Variants in MSH4 observed in about 807,000 individuals in gnomAD.
MSH4 encodes the protein mutS homolog 4.
MSH4 carries 106 observed loss-of-function variants against 113.7 expected under a neutral mutation model. The observed-to-expected ratio is 0.93, with a 90% CI of 0.80 to 1.10. The LOEUF (loss-of-function observed/expected upper bound fraction) is 1.10. Among genes scored for constraint, MSH4 ranks in the 50% least tolerant of loss-of-function variants. The probability of loss-of-function intolerance (pLI) is 0.00; values close to 1 mark genes in which losing one functional copy is unlikely to be tolerated. For missense variants in MSH4, 1,061 were observed against 1,093.7 expected (o/e 0.97, Z 0.42); for synonymous variants, 368 against 380.2 (o/e 0.97, Z 0.37).
chr1:75,865,505 C>T (rs1473132967), intron 8 of MSH4, among the ~76,000 whole-genome samples: 1 of 152,138 alleles, frequency 6.6e-6, no homozygotes, highest in Non-Finnish European at 1.5e-5. Context: ...TGGGGAAGTA[C>T]TAGGGTTGGT....
intron 9 of MSH4, among the ~76,000 whole-genome samples, chr1:75,869,417 A>T (rs767364976): frequency 6.6e-6 from 1 of 152,222 alleles, no homozygotes; most frequent in Non-Finnish European, 1.5e-5. Flanking sequence ...CGCATAAGTA[A>T]CAAGGAGGCA....
chr1:75,862,101 C>T (rs919474981), intron 8 of MSH4, among the ~76,000 whole-genome samples: 1 of 152,142 alleles, frequency 6.6e-6, no homozygotes, highest in Non-Finnish European at 1.5e-5. Flanking sequence ...GAGCCAGGCA[C>T]GGAAGGGGAT....
intron 8 of MSH4, among the ~76,000 whole-genome samples, chr1:75,865,972 C>T (rs1557515236): frequency 6.6e-6 from 1 of 152,180 alleles, no homozygotes; most frequent in Non-Finnish European, 1.5e-5. Flanking sequence ...GTTCCGCAGT[C>T]AACCTTTGTC....
intron 9 of MSH4, among the ~76,000 whole-genome samples, chr1:75,874,611 C>CA (rs1415151360): frequency 1.3e-5 from 2 of 151,964 alleles, no homozygotes; most frequent in African/African-American, 4.8e-5. Flanking sequence ...TGTGAGTCAC[C>CA]ACACCTGACA....
intron 14 of MSH4, among the ~76,000 whole-genome samples, chr1:75,882,751 G>C (rs948841666): frequency 1.3e-4 from 19 of 151,626 alleles, no homozygotes; most frequent in African/African-American, 3.9e-4. Context: ...AGGCAGGCAG[G>C]AGGATGGCTT....
chr1:75,898,558 G>A (rs113521086), intron 18 of MSH4, among the ~76,000 whole-genome samples: 16 of 144,480 alleles, frequency 1.1e-4, no homozygotes, highest in South Asian at 6.5e-4. Context: ...TCACTCTGTC[G>A]CCCAGGCTGG....
Position 75,898,078 on chromosome 1 carries a change from T to G in MSH4, c.2527T>G (p.Tyr843Asp), listed in dbSNP as rs1652423171. The G allele has an allele frequency of 6.4e-7, 1 of 1,573,762 alleles. No homozygotes were observed. Among genetic ancestry groups the G allele is most frequent in the African/African-American group, 1.4e-5 (1 of 73,700 alleles). Residue 843 changes from tyrosine (Y) to aspartate (D), a missense_variant, in exon 18 of 20, where the codon TAT (tyrosine) becomes GAT (aspartate). Transcript: ENST00000263187. ...LSKGLTEEKN[Y>D]GLKAAEVSSL... ...TAAGGGACTCACAGAAGAGAAAAAT[T>G]ATGGTACTGCATATAGAAATTATAC...
chr1:75,851,092 T>A (rs1177213924), intron 8 of MSH4, among the ~76,000 whole-genome samples: 1 of 152,200 alleles, frequency 6.6e-6, no homozygotes, highest in East Asian at 1.9e-4. Flanking sequence ...GAAGGTTTTT[T>A]GTAGGTGACA....
intron 19 of MSH4, among the ~76,000 whole-genome samples, chr1:75,909,721 T>C (rs544565890): frequency 5.9e-5 from 9 of 151,500 alleles, no homozygotes; most frequent in African/African-American, 2.2e-4. Flanking sequence ...ATTATTTAGC[T>C]TCTTTTACGA....
At chr1:75,842,556 A>G (rs1251835229) in intron 7 of MSH4, among the ~76,000 whole-genome samples, 3 of 152,242 alleles carry the variant, frequency 2.0e-5, no homozygotes. Flanking sequence ...TTCCAATATT[A>G]TAATAATCCT....
chr1:75,877,795 T>A (rs1557519892), intron 10 of MSH4, among the ~76,000 whole-genome samples: 2 of 152,170 alleles, frequency 1.3e-5, no homozygotes, highest in Non-Finnish European at 2.9e-5. Flanking sequence ...ATGGTGTACA[T>A]TGATGTTTAT....
chr1:75,830,166 A>G (rs1391146800), intron 7 of MSH4, among the ~76,000 whole-genome samples: 1 of 152,140 alleles, frequency 6.6e-6, no homozygotes, highest in Non-Finnish European at 1.5e-5. Flanking sequence ...AGCTGATTTG[A>G]TCAAGTGGAA....
intron 7 of MSH4, among the ~76,000 whole-genome samples, chr1:75,841,252 G>C (rs1377481022): frequency 2.1e-5 from 3 of 141,870 alleles, no homozygotes; most frequent in Non-Finnish European, 3.0e-5. Flanking sequence ...CCAGACTATA[G>C]TGCAGTGGCA....
intron 7 of MSH4, among the ~76,000 whole-genome samples, chr1:75,830,757 C>T (rs1171834250): frequency 6.6e-6 from 1 of 152,166 alleles, no homozygotes; most frequent in Non-Finnish European, 1.5e-5. Flanking sequence ...TCTGTCACCA[C>T]CAGGCCTGCC....
intron 8 of MSH4, among the ~76,000 whole-genome samples, chr1:75,863,169 A>T (rs1485710560): frequency 6.6e-6 from 1 of 151,998 alleles, no homozygotes; most frequent in African/African-American, 2.4e-5. Context: ...TCCTTCTTTG[A>T]TTTATTCTAT....
At position 75,807,000 on chromosome 1, in the gene MSH4, T is replaced by C. The variant is rs367834338; in HGVS notation, c.447T>C (p.Ile149=). 14 of 1,579,198 alleles carry C rather than the reference T, an allele frequency of 8.9e-6. No homozygotes were observed. In the African/African-American group the frequency reaches 1.1e-4, roughly 12 times the overall value. ...TTACAGCTTCATCCTCATCTGCGAT[T>C]TCTGCACACTCCCCATCAGTTATTG... ...VGYSASSSSA[I]SAHSPSVIVA... Residue 149 remains isoleucine (I), a synonymous_variant, in exon 3 of 20, where the codon ATT becomes ATC. Transcript: ENST00000263187.
chr1:75,806,886 T>A, intron 2 of MSH4, 95 bp from the exon 3 acceptor site: 1 of 1,150,576 alleles, frequency 8.7e-7, no homozygotes, highest in Non-Finnish European at 1.2e-6. Context: ...GATTGCATTA[T>A]TTTGTCCTCT....
At chr1:75,872,369 G>A (rs114425770) in intron 9 of MSH4, among the ~76,000 whole-genome samples, 118 of 152,286 alleles carry the variant, frequency 7.7e-4, no homozygotes, top group African/African-American at 2.7e-3. Context: ...TGTCAGAAAG[G>A]CCTGCAGTAA....
At position 75,863,187 on chromosome 1, in the gene MSH4, T is replaced by G. The variant is rs538684387; in HGVS notation, c.1231-4327T>G. On this transcript the variant is annotated intron_variant, in intron 8 of 19. Coordinates refer to ENST00000263187, the MANE Select transcript of MSH4 (RefSeq NM_002440.4). ...TTCTTTGATTTATTCTATGATTCAT[T>G]TTAGTAAGTATTATGATAAGTGCTA... Among the ~76,000 whole-genome samples the G allele has an allele frequency of 2.0e-5, 3 of 152,268 alleles. No homozygotes were observed. The South Asian group carries it at 6.2e-4, about 32-fold the overall frequency.
Sources: gnomAD v4.1 joint callset for allele counts (sites outside exome capture counted in the v4.1 genomes callset) on GRCh38, gnomAD v4.1.1 for gene constraint, MANE v1.5 for transcripts, NCBI Gene and HGNC (gene_info 2026-07-23, HGNC 2026-07-21) for gene names.